FDFT1: variants seen among roughly 807,000 people sequenced by gnomAD.
The protein encoded by FDFT1 is squalene synthase.
FDFT1 carries 68 observed loss-of-function variants against 46.8 expected under a neutral mutation model. The ratio of observed to expected loss-of-function variants is 1.45; its 90% CI spans 1.19 to 1.78. FDFT1 has a LOEUF of 1.78. FDFT1 is among the 40% of genes most tolerant of loss of function. The probability of loss-of-function intolerance (pLI) is 0.00; values close to 1 mark genes in which losing one functional copy is unlikely to be tolerated. For synonymous variants in FDFT1, 351 were observed against 185.1 expected (o/e 1.90, Z -7.28); for missense variants, 928 against 524.4 (o/e 1.77, Z -7.52).
chr8:11,829,903 A>G (rs1055386995), intron 5 of FDFT1, among the ~76,000 whole-genome samples: 1 of 148,140 alleles, frequency 6.8e-6, no homozygotes, highest in Non-Finnish European at 1.5e-5. Context: ...GCTGGAGTGC[A>G]ATGGCGAGAT....
intron 5 of FDFT1, among the ~76,000 whole-genome samples, chr8:11,826,476 T>C (rs1255234808): frequency 3.3e-5 from 5 of 152,314 alleles, no homozygotes; most frequent in Middle Eastern, 3.4e-3. Context: ...GTGGTGGATA[T>C]GGTAACAACC....
intron 1 of FDFT1, among the ~76,000 whole-genome samples, chr8:11,805,096 T>TC (rs1806659588): frequency 6.6e-6 from 1 of 151,312 alleles, no homozygotes; most frequent in Admixed American, 6.6e-5. Flanking sequence ...TTAAATTTTT[T>TC]TGTAGACACA....
At chr8:11,808,528 C>G in intron 1 of FDFT1, 1 of 1,332,976 alleles carries the variant, frequency 7.5e-7, no homozygotes, top group Admixed American at 3.8e-5. Flanking sequence ...ATGGCCGCAG[C>G]CGCCTGCGGC....
chr8:11,808,219 G>T (rs1807126344), intron 1 of FDFT1: 1 of 1,160,962 alleles, frequency 8.6e-7, no homozygotes, highest in Non-Finnish European at 1.1e-6. Context: ...GATTTCAGCG[G>T]AGCCCGAGTA....
intron 5 of FDFT1, among the ~76,000 whole-genome samples, chr8:11,828,673 C>T (rs1442763372): frequency 2.6e-5 from 4 of 152,250 alleles, no homozygotes; most frequent in African/African-American, 9.6e-5. Context: ...ATTTCTACCA[C>T]ACGGTGGTGG....
intron 7 of FDFT1, among the ~76,000 whole-genome samples, chr8:11,832,073 G>A (rs1265747586): frequency 1.3e-5 from 2 of 152,122 alleles, no homozygotes; most frequent in Admixed American, 1.3e-4. Context: ...CACCCAGTCT[G>A]GTACTTTCAT....
At chr8:11,836,907 T>G (rs1344551870) in intron 7 of FDFT1, among the ~76,000 whole-genome samples, 1 of 152,228 alleles carries the variant, frequency 6.6e-6, no homozygotes, top group East Asian at 1.9e-4. Context: ...GATGCACGCT[T>G]GCTGTGTGCC....
upstream of FDFT1, among the ~76,000 whole-genome samples, chr8:11,799,677 G>A (rs903972531): frequency 2.0e-5 from 3 of 152,244 alleles, no homozygotes; most frequent in Non-Finnish European, 2.9e-5. Flanking sequence ...GCTGGGAGCC[G>A]TGGCTCACGC....
At chr8:11,834,735 A>T (rs1176387767) in intron 7 of FDFT1, among the ~76,000 whole-genome samples, 2 of 152,250 alleles carry the variant, frequency 1.3e-5, no homozygotes, top group Non-Finnish European at 2.9e-5. Flanking sequence ...GAGACGTGGA[A>T]GTACCACATG....
intron 3 of FDFT1, among the ~76,000 whole-genome samples, chr8:11,821,162 C>G (rs564906087): frequency 6.6e-6 from 1 of 152,288 alleles, no homozygotes; most frequent in Admixed American, 6.5e-5. Context: ...AAACTTAAAC[C>G]CAGCTTTATG....
intron 5 of FDFT1, among the ~76,000 whole-genome samples, chr8:11,827,840 G>T (rs1291876732): frequency 1.3e-5 from 2 of 151,074 alleles, no homozygotes; most frequent in Non-Finnish European, 2.9e-5. Context: ...AGGATATCGA[G>T]ACCAGCCTGG....
At chr8:11,809,185 C>G (rs1042123277) in intron 2 of FDFT1, 1 of 1,240,510 alleles carries the variant, frequency 8.1e-7, no homozygotes, top group Admixed American at 3.9e-5. Flanking sequence ...GTGTATTTCT[C>G]GGCTTCCCTT....
chr8:11,810,032 A>C (rs1307984854), intron 3 of FDFT1, 182 bp downstream of exon 3: 1 of 544,584 alleles, frequency 1.8e-6, no homozygotes, highest in Non-Finnish European at 3.2e-6. Context: ...TGGAATCTCA[A>C]ATCTCCCACT....
intron 3 of FDFT1, among the ~76,000 whole-genome samples, chr8:11,810,338 C>G (rs927650306): frequency 6.6e-6 from 1 of 152,166 alleles, no homozygotes; most frequent in Non-Finnish European, 1.5e-5. Flanking sequence ...CTTGACTACC[C>G]GGAGCCTGGT....
chr8:11,812,399 C>T (rs531039432), intron 3 of FDFT1, among the ~76,000 whole-genome samples: 13 of 152,218 alleles, frequency 8.5e-5, no homozygotes, highest in South Asian at 4.1e-4. Context: ...ATCCTGGCAC[C>T]GAGGGCTGGG....
chr8:11,832,684 A>G (rs749699550), intron 7 of FDFT1, among the ~76,000 whole-genome samples: 3 of 151,940 alleles, frequency 2.0e-5, no homozygotes, highest in Non-Finnish European at 4.4e-5. Flanking sequence ...ACATTGGACA[A>G]TGTCTGGAGA....
chr8:11,805,139 A>G (rs1294583771), intron 1 of FDFT1, among the ~76,000 whole-genome samples: 1 of 146,312 alleles, frequency 6.8e-6, no homozygotes, highest in Non-Finnish European at 1.5e-5. Flanking sequence ...CTGGTCTTGA[A>G]CTCCTGAGCT....
intron 1 of FDFT1, among the ~76,000 whole-genome samples, chr8:11,804,063 T>C (rs1167471252): frequency 6.6e-6 from 1 of 152,272 alleles, no homozygotes; most frequent in Non-Finnish European, 1.5e-5. Context: ...ACCAGTTGTA[T>C]ATCAGATAGT....
intron 6 of FDFT1, 102 bp from the exon 7 acceptor site, chr8:11,831,416 T>G: frequency 1.0e-6 from 1 of 954,740 alleles, no homozygotes. Flanking sequence ...TGATTAGCAG[T>G]TAGCAATTGC....
Sources: gnomAD v4.1 joint callset for allele counts (sites outside exome capture counted in the v4.1 genomes callset) on GRCh38, gnomAD v4.1.1 for gene constraint, MANE v1.5 for transcripts, NCBI Gene and HGNC (gene_info 2026-07-23, HGNC 2026-07-21) for gene names.